The following DNAAF5 variants were observed in gnomAD, a reference collection of about 807,000 sequenced individuals.
The protein encoded by DNAAF5 is HEAT repeat containing 2.
DNAAF5 carries 64 observed loss-of-function variants against 75.8 expected under a neutral mutation model. The observed-to-expected ratio is 0.84, with a 90% CI of 0.69 to 1.04. The LOEUF (loss-of-function observed/expected upper bound fraction) is 1.04. DNAAF5 is among the 50% of genes least tolerant of loss of function. The pLI is 0.00. For missense variants in DNAAF5, 1,269 were observed against 1,178.5 expected (o/e 1.08, Z -1.12); for synonymous variants, 657 against 557.2 (o/e 1.18, Z -2.52).
intron 11 of DNAAF5, chr7:778,527 C>G (rs1778836379): frequency 6.6e-6 from 1 of 152,314 alleles, no homozygotes; most frequent in Non-Finnish European, 1.5e-5. Context: ...GAACCCTAAA[C>G]TGGTACAAAA....
At chr7:772,619 G>A (rs2128084348) in intron 9 of DNAAF5, 1 of 152,340 alleles carries the variant, frequency 6.6e-6, no homozygotes, top group South Asian at 2.1e-4. Flanking sequence ...GCGTCTTCGG[G>A]TCCTGTGGGT....
intron 12 of DNAAF5, among the ~76,000 whole-genome samples, chr7:780,884 T>C (rs1237947965): frequency 6.7e-6 from 1 of 149,450 alleles, no homozygotes; most frequent in African/African-American, 2.5e-5. Flanking sequence ...TGTTCTTTTT[T>C]TTAATAAAAT....
intron 2 of DNAAF5, chr7:732,643 T>A: frequency 2.2e-6 from 1 of 456,072 alleles, no homozygotes; most frequent in South Asian, 1.5e-5. Context: ...TGCCTTCTTT[T>A]GAGAAATGTC....
intron 2 of DNAAF5, among the ~76,000 whole-genome samples, chr7:739,297 C>T (rs1781832563): frequency 1.3e-5 from 2 of 152,244 alleles, no homozygotes; most frequent in African/African-American, 2.4e-5. Context: ...GAGTTTGCCG[C>T]TCACCTGGAT....
intron 5 of DNAAF5, 124 bp from the exon 6 acceptor site, chr7:756,658 C>A: frequency 1.2e-6 from 1 of 830,522 alleles, no homozygotes; most frequent in South Asian, 1.6e-5. Context: ...CAAGGACTCA[C>A]TCTGCCTAAC....
At position 743,800 on chromosome 7, in the gene DNAAF5, A is replaced by G. The variant is rs577228423; in HGVS notation, c.1024+2335A>G. 9.9e-4 allele frequency among the ~76,000 whole-genome samples: 150 copies of G among 150,974 alleles called. 1 individual carries two copies. The highest frequency in any genetic ancestry group is 3.5e-3 in the African/African-American group (144 of 41,094). On this transcript the variant is annotated intron_variant, in intron 4 of 12. Coordinates refer to ENST00000297440, the MANE Select transcript of DNAAF5 (RefSeq NM_017802.4). ...GCTGGGATTACAGGCACTCACCACC[A>G]CGCCCAGCTAATTTTGTATTTTTAG...
chr7:754,493 A>G lies in DNAAF5; in HGVS notation c.1025-96A>G. Reference sequence around the variant, plus strand: ...ACTTGTTTTGAAATGGTGAGGTTGAAACTCACAGGTGTCCCTTAAATGTGA... The same window carrying G: ...ACTTGTTTTGAAATGGTGAGGTTGAGACTCACAGGTGTCCCTTAAATGTGA... On this transcript the variant is annotated intron_variant, in intron 4 of 12. Transcript: ENST00000297440. The surrounding 1 kb of genome is among the most constrained non-coding windows in gnomAD (Gnocchi z 4.8). 9.9e-7 allele frequency: 1 copy of G among 1,014,742 alleles called. No individual in the cohort carries two copies. The highest frequency in any genetic ancestry group is 2.4e-5 in the East Asian group (1 of 41,694). 62.9% of individuals were successfully genotyped at this position (1,014,742 alleles called of 1,614,324 possible).
chr7:769,166 G>A (rs1272775989), intron 8 of DNAAF5: 1 of 774,880 alleles, frequency 1.3e-6, no homozygotes, highest in Non-Finnish European at 2.4e-6. Flanking sequence ...CGGCGCCAGG[G>A]AGAAGGCTCA....
intron 4 of DNAAF5, among the ~76,000 whole-genome samples, chr7:749,349 A>G (rs1354567569): frequency 6.6e-6 from 1 of 152,214 alleles, no homozygotes. Flanking sequence ...GCGTAAAGGA[A>G]AGCGTCTCGA....
intron 9 of DNAAF5, among the ~76,000 whole-genome samples, 185 bp from the exon 10 acceptor site, chr7:773,863 G>A (rs925451523): frequency 1.1e-4 from 16 of 152,180 alleles, no homozygotes; most frequent in African/African-American, 3.9e-4. Flanking sequence ...GGTAGGGTTG[G>A]GCCTGGAGGA....
At chr7:770,115 G>A (rs1265469118) in intron 8 of DNAAF5, among the ~76,000 whole-genome samples, 1 of 150,992 alleles carries the variant, frequency 6.6e-6, no homozygotes, top group Admixed American at 6.6e-5. Context: ...CCATGCTAGG[G>A]TAATTTTTGT....
In DNAAF5 at chr7:785,754, CTG is replaced by C. The variant is rs1779126571; in HGVS notation, c.*104_*105del. ...AGGCACCTCTGTGCCAGCAGTGAGACTGTGACAGCAAGAATGTACTCCTCAGG... is the reference window on the plus strand; with the variant it reads ...AGGCACCTCTGTGCCAGCAGTGAGACTGACAGCAAGAATGTACTCCTCAGG... On this transcript the variant is annotated 3_prime_UTR_variant, in exon 13 of 13. Transcript: ENST00000297440. 4.3e-6 allele frequency: 6 copies of C among 1,382,990 alleles called. 1 individual carries two copies. In the South Asian group the frequency reaches 6.7e-5, roughly 15 times the overall value. The allele number at this position is 1,382,990 out of a possible 1,614,324, so 85.7% of individuals were successfully genotyped here. A position where few individuals can be genotyped will look rare whatever the true frequency, so the allele number is the denominator to read the frequency against.
At position 729,810 on chromosome 7, in the gene DNAAF5, C is replaced by T; in HGVS notation, c.743C>T (p.Ser248Phe). The T allele has an allele frequency of 6.2e-7, 1 of 1,614,204 alleles. No individual in the cohort carries two copies. Among genetic ancestry groups the T allele is most frequent in the Non-Finnish European group, 8.5e-7 (1 of 1,180,032 alleles). ...GGGAAGTCCGTGGACGACGTGCTTTCCCATTTTGCTCAGCGACTGTTTGAT... is the reference window on the plus strand; with the variant it reads ...GGGAAGTCCGTGGACGACGTGCTTTTCCATTTTGCTCAGCGACTGTTTGAT... ...GNGKSVDDVL[S>F]HFAQRLFDDV... Residue 248 changes from serine to phenylalanine, a missense_variant, in exon 2 of 13, where the codon TCC becomes TTC. Physicochemically the swap from Ser to Phe is radical, Grantham distance 155. Coordinates refer to ENST00000297440, the MANE Select transcript of DNAAF5 (RefSeq NM_017802.4).
intron 2 of DNAAF5, among the ~76,000 whole-genome samples, chr7:731,197 ACT>A (rs1275553473): frequency 6.6e-6 from 1 of 151,804 alleles, no homozygotes; most frequent in African/African-American, 2.4e-5. Flanking sequence ...CAGTGTGATG[ACT>A]CTGTATGGAG....
chr7:785,850 G>A lies in DNAAF5; in HGVS notation c.*197G>A. On this transcript the variant is annotated 3_prime_UTR_variant, in exon 13 of 13. Transcript: ENST00000297440. Reference sequence around the variant, plus strand: ...TTCTGCATGTTATGTGATTTGTTCTGTTCATCGAGAGGGCTCCCAAACATC... The same window carrying A: ...TTCTGCATGTTATGTGATTTGTTCTATTCATCGAGAGGGCTCCCAAACATC... The A allele has an allele frequency of 1.7e-6, 1 of 600,166 alleles. No homozygotes were observed. Among genetic ancestry groups the A allele is most frequent in the Non-Finnish European group, 2.8e-6 (1 of 359,388 alleles). 37.2% of individuals were successfully genotyped at this position (600,166 alleles called of 1,614,324 possible). A position where few individuals can be genotyped will look rare whatever the true frequency, so the allele number is the denominator to read the frequency against.
At chr7:758,064 C>T (rs896357819) in intron 6 of DNAAF5, among the ~76,000 whole-genome samples, 5 of 152,306 alleles carry the variant, frequency 3.3e-5, no homozygotes, top group African/African-American at 1.2e-4. Context: ...AGGAAGGGAG[C>T]GGGGGAGGGG....
Position 775,030 on chromosome 7 carries a change from A to T in DNAAF5, c.2107A>T (p.Met703Leu), listed in dbSNP as rs770385851. 6.8e-6 allele frequency: 11 copies of T among 1,613,946 alleles called. No homozygotes were observed. Among genetic ancestry groups the T allele is most frequent in the Middle Eastern group, 1.7e-4 (1 of 6,052 alleles). ...EQIRDVQETL[M>L]PQVLTTLEED... ...GATACGGGACGTGCAGGAAACACTG[A>T]TGCCCCAGGTCCTGACCACCCTGGA... The change falls in exon 11 of 13, where the codon ATG (methionine) becomes TTG (leucine). Residue 703 changes from methionine to leucine, a missense_variant. By Grantham distance (15) the Met-to-Leu change is conservative. Transcript: ENST00000297440.
chr7:739,797 G>A (rs1488760939), intron 2 of DNAAF5, among the ~76,000 whole-genome samples: 7 of 152,264 alleles, frequency 4.6e-5, no homozygotes, highest in East Asian at 3.9e-4. Flanking sequence ...TCCTAGGTGC[G>A]TCTGCTTGGC....
intron 1 of DNAAF5, 77 bp from the exon 2 acceptor site, chr7:729,586 C>G: frequency 7.0e-7 from 1 of 1,419,314 alleles, no homozygotes; most frequent in Non-Finnish European, 9.6e-7. Flanking sequence ...GGCAGGCAGC[C>G]GTCCTCTGGA....
Sources: allele counts gnomAD v4.1 joint callset (sites outside exome capture counted in the v4.1 genomes callset), GRCh38; gene constraint gnomAD v4.1.1; non-coding constraint Gnocchi (gnomAD v3.1); transcripts MANE v1.5; gene names NCBI Gene and HGNC (gene_info 2026-07-23, HGNC 2026-07-21).